The following MCM10 variants were observed in gnomAD, a reference collection of about 807,000 sequenced individuals.
MCM10 encodes the protein minichromosome maintenance 10 replication initiation factor.
MCM10 carries 91 observed loss-of-function variants against 109.9 expected under a neutral mutation model. The ratio of observed to expected loss-of-function variants is 0.83; its 90% confidence interval spans 0.70 to 0.99. The LOEUF is 0.99. Ranked by LOEUF, MCM10 falls within the 50% of genes least tolerant of loss-of-function variation. MCM10 has a pLI of 0.00. For synonymous variants in MCM10, 380 were observed against 387.2 expected (o/e 0.98, Z 0.22); for missense variants, 1,077 against 1,061.2 (o/e 1.01, Z -0.21).
intron 16 of MCM10, among the ~76,000 whole-genome samples, 186 bp downstream of exon 16, chr10:13,198,993 T>C (rs559289236): frequency 6.6e-6 from 1 of 152,320 alleles, no homozygotes; most frequent in East Asian, 1.9e-4. Flanking sequence ...CCTCCCAGGT[T>C]CAAGCGATTC....
chr10:13,195,026 G>A lies in MCM10; in HGVS notation c.1746-15G>A. 6.2e-7 allele frequency: 1 copy of A among 1,607,598 alleles called. No homozygotes were observed. Among genetic ancestry groups the A allele is most frequent in the Non-Finnish European group, 8.5e-7 (1 of 1,175,412 alleles). ...TAAACCCTGTTTGCGTATTTTGACT[G>A]TATGTTCTTTAAAGATTTCTGCAGA... is the stretch of plus-strand genomic sequence containing the variant. On this transcript the variant is annotated splice_polypyrimidine_tract_variant and intron_variant, in intron 13 of 19. Transcript: ENST00000378714.
At chr10:13,192,095 G>A (rs1391923649) in intron 11 of MCM10, among the ~76,000 whole-genome samples, 160 bp from the exon 12 acceptor site, 3 of 152,194 alleles carry the variant, frequency 2.0e-5, no homozygotes, top group Non-Finnish European at 2.9e-5. Context: ...CTATGAGTCT[G>A]ATGATAGAGG....
At chr10:13,184,714 T>C (rs147423391) in intron 8 of MCM10, among the ~76,000 whole-genome samples, 1 of 152,332 alleles carries the variant, frequency 6.6e-6, no homozygotes, top group African/African-American at 2.4e-5. Flanking sequence ...TTTTCTTACA[T>C]ATTAAAAAAA....
chr10:13,188,801 G>A (rs986409669), intron 9 of MCM10, 80 bp from the exon 10 acceptor site: 34 of 1,222,028 alleles, frequency 2.8e-5, no homozygotes, highest in African/African-American at 4.4e-5. Context: ...CCGGGAAGTG[G>A]GGAGAAGGAA....
intron 13 of MCM10, among the ~76,000 whole-genome samples, chr10:13,194,194 T>C (rs11258242): frequency 0.37 from 56,224 of 151,886 alleles, 11,149 homozygotes; most frequent in East Asian, 0.61. Flanking sequence ...CGAAATCCTG[T>C]CTCTACAAAC....
intron 13 of MCM10, among the ~76,000 whole-genome samples, chr10:13,193,309 A>C (rs1834373521): frequency 1.3e-5 from 2 of 152,162 alleles, no homozygotes; most frequent in South Asian, 4.1e-4. Context: ...TAATTAAAAA[A>C]AAAAAAAATC....
At chr10:13,191,270 C>T (rs1834343153) in intron 10 of MCM10, 29 bp from the exon 11 acceptor site, 1 of 1,490,300 alleles carries the variant, frequency 6.7e-7, no homozygotes, top group African/African-American at 1.4e-5. Flanking sequence ...TTTAGTGATT[C>T]TCCTTTTGGG....
chr10:13,176,420 A>G (rs1471867446), intron 6 of MCM10, among the ~76,000 whole-genome samples: 2 of 152,200 alleles, frequency 1.3e-5, no homozygotes, highest in African/African-American at 4.8e-5. Flanking sequence ...ATCCCAGGGC[A>G]GAACAGTACT....
intron 6 of MCM10, among the ~76,000 whole-genome samples, chr10:13,178,131 G>T (rs1834165027): frequency 6.6e-6 from 1 of 152,116 alleles, no homozygotes; most frequent in Non-Finnish European, 1.5e-5. Context: ...GTCTTGCTCT[G>T]TTCCCTGGCT....
chr10:13,199,842 G>C (rs1396210613), intron 16 of MCM10, among the ~76,000 whole-genome samples: 2 of 152,152 alleles, frequency 1.3e-5, no homozygotes, highest in Admixed American at 1.3e-4. Flanking sequence ...GATAATGTAG[G>C]GGTTTTGTCA....
At chr10:13,175,156 G>A (rs189760973) in intron 5 of MCM10, among the ~76,000 whole-genome samples, 115 of 152,090 alleles carry the variant, frequency 7.6e-4, no homozygotes, top group Admixed American at 2.6e-3. Flanking sequence ...GACTGTGTGC[G>A]TGTGCAATGT....
Position 13,204,324 on chromosome 10 carries a change from A to G in MCM10, c.2458A>G (p.Arg820Gly), listed in dbSNP as rs1312200139. Residue 820 changes from arginine (R) to glycine (G), a missense_variant, in exon 18 of 20, where the codon AGA (arginine) becomes GGA (glycine). Arg to Gly is a moderately radical substitution (Grantham distance 125). Transcript: ENST00000378714. ...GTTTTTCAAATGTCCCTGTGGAAAC[A>G]GAAGCATCTCCTTGGACAGACTCCC... ...KRFFKCPCGN[R>G]SISLDRLPNK... 6.2e-7 allele frequency: 1 copy of G among 1,614,234 alleles called. No homozygotes were observed. The highest frequency in any genetic ancestry group is 1.1e-5 in the South Asian group (1 of 91,088).
intron 7 of MCM10, 137 bp downstream of exon 7, chr10:13,180,744 C>A: frequency 1.0e-6 from 1 of 983,010 alleles, no homozygotes; most frequent in Non-Finnish European, 1.6e-6. Flanking sequence ...CACCACACAT[C>A]ATTGAGTTGG....
At chr10:13,185,347 A>C (rs1834260946) in intron 8 of MCM10, among the ~76,000 whole-genome samples, 1 of 152,250 alleles carries the variant, frequency 6.6e-6, no homozygotes, top group Non-Finnish European at 1.5e-5. Flanking sequence ...CTCTTGGTAC[A>C]GTCTGTCCAA....
At chr10:13,169,975 G>A (rs1008150610) in intron 2 of MCM10, among the ~76,000 whole-genome samples, 5 of 152,346 alleles carry the variant, frequency 3.3e-5, no homozygotes, top group Middle Eastern at 3.4e-3. Context: ...CCAAGTGCTG[G>A]GATTACAGGC....
At chr10:13,193,225 A>T (rs1341944652) in intron 13 of MCM10, among the ~76,000 whole-genome samples, 1 of 152,074 alleles carries the variant, frequency 6.6e-6, no homozygotes, top group African/African-American at 2.4e-5. Context: ...TAAAGGACAA[A>T]ACTGAAGCAC....
intron 1 of MCM10, among the ~76,000 whole-genome samples, chr10:13,163,595 C>CCACG (rs56674037): frequency 0.21 from 31,262 of 152,038 alleles, 3,407 homozygotes; most frequent in South Asian, 0.26. Flanking sequence ...TAAGTAGAAT[C>CCACG]ATACAGTAAG....
intron 2 of MCM10, among the ~76,000 whole-genome samples, chr10:13,166,657 C>T (rs200058349): frequency 0.038 from 745 of 19,832 alleles, 20 homozygotes; most frequent in African/African-American, 0.098. Context: ...AAAATACATA[C>T]ATACATATAT....
At position 13,192,539 on chromosome 10, in the gene MCM10, G is replaced by A; in HGVS notation, c.1716G>A (p.Arg572=). 2 of 1,614,198 alleles carry A rather than the reference G, an allele frequency of 1.2e-6. No homozygotes were observed. The highest frequency in any genetic ancestry group is 2.7e-5 in the African/African-American group (2 of 75,046). The change falls in exon 13 of 20, where the codon AGG becomes AGA. Residue 572 remains arginine (R), a synonymous_variant. Transcript: ENST00000378714. ...AGAAGCAGCGGATGTTGGAGATGAG[G>A]AGAAGGAAATCAGAAGAAATACAGA... ...KQQKQRMLEM[R]RRKSEEIQKR...
Sources: gnomAD v4.1 joint callset for allele counts (sites outside exome capture counted in the v4.1 genomes callset) on GRCh38, gnomAD v4.1.1 for gene constraint, MANE v1.5 for transcripts, NCBI Gene and HGNC (gene_info 2026-07-23, HGNC 2026-07-21) for gene names.